NBEAL1: variants seen among roughly 807,000 people sequenced by gnomAD.
NBEAL1 encodes neurobeachin like 1, also known as neurobeachin-like protein 1.
In NBEAL1, 273 loss-of-function variants were observed where a neutral mutation model predicts 351.3. That is an observed-to-expected ratio of 0.78 (90% CI 0.70 to 0.86). The LOEUF is 0.86. Ranked by LOEUF, NBEAL1 falls within the 40% of genes least tolerant of loss-of-function variation. The pLI is 0.00. For synonymous variants in NBEAL1, 1,050 were observed against 1,086.4 expected (o/e 0.97, Z 0.66); for missense variants, 2,961 against 3,201.3 (o/e 0.92, Z 1.81).
intron 2 of NBEAL1, chr2:203,040,761 G>C (rs986540465): frequency 1.8e-6 from 1 of 563,592 alleles, no homozygotes; most frequent in African/African-American, 1.9e-5. Context: ...ATCATGCTCA[G>C]GCTGGAGTGC....
intron 53 of NBEAL1, 43 bp from the exon 54 acceptor site, chr2:203,210,915 A>C (rs766109054): frequency 2.3e-6 from 3 of 1,290,558 alleles, no homozygotes; most frequent in Non-Finnish European, 3.2e-6. Flanking sequence ...ATAAAAACTC[A>C]GTTTTTATTT....
At chr2:203,200,643 G>A (rs1026740031) in intron 49 of NBEAL1, among the ~76,000 whole-genome samples, 1 of 152,120 alleles carries the variant, frequency 6.6e-6, no homozygotes, top group East Asian at 1.9e-4. Flanking sequence ...GCAGTGAGCC[G>A]AGATTGCGCC....
intron 4 of NBEAL1, among the ~76,000 whole-genome samples, chr2:203,054,382 C>T (rs563103929): frequency 4.6e-5 from 7 of 151,466 alleles, no homozygotes; most frequent in African/African-American, 1.2e-4. Context: ...GCCGAGATCA[C>T]GCCACTGCAC....
At chr2:203,168,592 GTAAA>G (rs2064212979) in intron 38 of NBEAL1, among the ~76,000 whole-genome samples, 1 of 150,434 alleles carries the variant, frequency 6.6e-6, no homozygotes, top group African/African-American at 2.5e-5. Flanking sequence ...TCCAAAATAG[GTAAA>G]TAAATAAGGC....
Position 203,079,360 on chromosome 2 carries a change from G to A in NBEAL1, c.684+1523G>A, listed in dbSNP as rs139853340. 3.2e-3 allele frequency among the ~76,000 whole-genome samples: 489 copies of A among 152,278 alleles called. 3 individuals are homozygous for A. The highest frequency in any genetic ancestry group is 0.011 in the African/African-American group (459 of 41,560). On this transcript the variant is annotated intron_variant, in intron 8 of 55. Transcript: ENST00000683969. Reference sequence around the variant, plus strand: ...GACTCCCAAAGTGCTAGGATTACAGGTGTGAGTCACTGTGCCTAGCCAACA... The same window carrying A: ...GACTCCCAAAGTGCTAGGATTACAGATGTGAGTCACTGTGCCTAGCCAACA...
intron 7 of NBEAL1, among the ~76,000 whole-genome samples, chr2:203,073,723 T>C (rs2061719332): frequency 6.6e-6 from 1 of 152,178 alleles, no homozygotes; most frequent in African/African-American, 2.4e-5. Flanking sequence ...TGTTTATTCG[T>C]TTCCTTTTTC....
chr2:203,084,619 G>A (rs746199414), intron 10 of NBEAL1, 50 bp downstream of exon 10: 1 of 1,148,636 alleles, frequency 8.7e-7, no homozygotes, highest in South Asian at 1.6e-5. Flanking sequence ...GCTATTTTTT[G>A]TTTTTGTTTT....
intron 43 of NBEAL1, chr2:203,182,212 G>A (rs1466900863): frequency 6.6e-6 from 1 of 152,142 alleles, no homozygotes; most frequent in Non-Finnish European, 1.5e-5. Flanking sequence ...AGATAGTTTA[G>A]CATCATCAGC....
rs541560604 is a variant in NBEAL1 at position 203,038,355 on chromosome 2, G to A, written c.52-3410G>A. 2.7e-5 allele frequency among the ~76,000 whole-genome samples: 4 copies of A among 149,020 alleles called. No individual in the cohort carries two copies. The East Asian group carries it at 7.7e-4, about 29-fold the overall frequency. On this transcript the variant is annotated intron_variant, in intron 2 of 55. Transcript: ENST00000683969. The stretch of plus-strand genomic sequence containing the variant: ...TGTATGAGAGTTACAGTTACTGCAC[G>A]TCTTCACTAACATGATATAGTTTTT...
intron 38 of NBEAL1, among the ~76,000 whole-genome samples, chr2:203,167,823 A>G (rs1346170484): frequency 1.3e-5 from 2 of 152,208 alleles, no homozygotes; most frequent in Non-Finnish European, 2.9e-5. Flanking sequence ...ATTACTGAGA[A>G]TGCTTGGGCC....
intron 7 of NBEAL1, among the ~76,000 whole-genome samples, chr2:203,076,481 AC>A (rs67976407): frequency 0.9 from 125,924 of 140,590 alleles, 56,795 homozygotes; most frequent in Non-Finnish European, 0.95. Flanking sequence ...TGTCTCAAAA[AC>A]AAACAAACAA....
At position 203,130,341 on chromosome 2, in the gene NBEAL1, C is replaced by T. The variant is rs1330419150; in HGVS notation, c.3429C>T (p.Leu1143=). ...AGCTCTTTGGAATTTTGGACGTGCTCTTCAGTCTCCTACGTACCAGCCCAA... is the reference window on the plus strand; with the variant it reads ...AGCTCTTTGGAATTTTGGACGTGCTTTTCAGTCTCCTACGTACCAGCCCAA... ...EEQLFGILDV[L]FSLLRTSPTR... is the part of the protein sequence containing the mutation. Residue 1143 remains leucine, a synonymous_variant, in exon 25 of 56, where the codon CTC becomes CTT. Coordinates refer to ENST00000683969, the MANE Select transcript of NBEAL1 (RefSeq NM_001378026.1). 6 of 1,528,106 alleles carry T rather than the reference C, an allele frequency of 3.9e-6. No homozygotes were observed. The highest frequency in any genetic ancestry group is 1.7e-4 in the Middle Eastern group (1 of 5,970). The allele number at this position is 1,528,106 out of a possible 1,614,324, so 94.7% of individuals were successfully genotyped here. A position where few individuals can be genotyped will look rare whatever the true frequency, so the allele number is the denominator to read the frequency against.
At chr2:203,190,549 A>G (rs1450355968) in intron 46 of NBEAL1, 160 bp downstream of exon 46, 2 of 701,522 alleles carry the variant, frequency 2.9e-6, no homozygotes, top group Non-Finnish European at 4.7e-6. Flanking sequence ...TCCAAGAGGA[A>G]AAACTGAGTA....
chr2:203,147,333 A>G (rs1055772866), intron 33 of NBEAL1, among the ~76,000 whole-genome samples: 3 of 152,178 alleles, frequency 2.0e-5, no homozygotes, highest in African/African-American at 7.2e-5. Flanking sequence ...CATAAAATCA[A>G]TACACAAAAT....
At chr2:203,198,024 T>TC (rs2065287874) in intron 48 of NBEAL1, among the ~76,000 whole-genome samples, 2 of 142,786 alleles carry the variant, frequency 1.4e-5, no homozygotes, top group East Asian at 2.0e-4. Flanking sequence ...TCTTTTCTTT[T>TC]TTTTTTTTTT....
chr2:203,190,207 CA>C (rs2065030797), intron 45 of NBEAL1, 84 bp from the exon 46 acceptor site: 5 of 575,764 alleles, frequency 8.7e-6, no homozygotes, highest in African/African-American at 6.4e-5. Context: ...CACACACACA[CA>C]CCAATGAGCC....
At chr2:203,213,405 GT>G (rs1227531488) in intron 54 of NBEAL1, 112 bp from the exon 55 acceptor site, 11 of 996,830 alleles carry the variant, frequency 1.1e-5, no homozygotes, top group African/African-American at 9.8e-5. Context: ...TCCCACATCT[GT>G]AAAATTAGAA....
Position 203,145,020 on chromosome 2 carries a change from T to C in NBEAL1, c.5164T>C (p.Tyr1722His), listed in dbSNP as rs776790437. The change falls in exon 33 of 56, where the codon TAT becomes CAT. Residue 1722 changes from tyrosine to histidine, a missense_variant. Tyr to His is a moderately conservative substitution (Grantham distance 83). Coordinates refer to ENST00000683969, the MANE Select transcript of NBEAL1 (RefSeq NM_001378026.1). ...QVYIEKYIVP[Y>H]MKQYEAHTFY... is the part of the protein sequence containing the mutation. ...TTATTTTTTTGGTAAGATTGTACCTTATATGAAGCAGTATGAAGCTCATAC... is the reference window on the plus strand; with the variant it reads ...TTATTTTTTTGGTAAGATTGTACCTCATATGAAGCAGTATGAAGCTCATAC... 6.3e-7 allele frequency: 1 copy of C among 1,586,324 alleles called. No individual in the cohort carries two copies. The highest frequency in any genetic ancestry group is 2.2e-5 in the East Asian group (1 of 44,488).
At chr2:203,078,927 A>G (rs2061825396) in intron 8 of NBEAL1, among the ~76,000 whole-genome samples, 1 of 152,232 alleles carries the variant, frequency 6.6e-6, no homozygotes, top group Non-Finnish European at 1.5e-5. Flanking sequence ...ACATTAAACT[A>G]AAAAAGCTAT....
Sources: gnomAD v4.1 joint callset for allele counts (sites outside exome capture counted in the v4.1 genomes callset) on GRCh38, gnomAD v4.1.1 for gene constraint, MANE v1.5 for transcripts, NCBI Gene and HGNC (gene_info 2026-07-23, HGNC 2026-07-21) for gene names.